PSME4: variants seen among roughly 807,000 people sequenced by gnomAD.
PSME4 encodes proteasome activator subunit 4.
In PSME4, 89 loss-of-function variants were observed where a neutral mutation model predicts 253.9. The observed-to-expected ratio is 0.35, with a 90% CI of 0.30 to 0.42. The LOEUF (loss-of-function observed/expected upper bound fraction) is 0.42, where lower values mean the gene tolerates loss of function less well. PSME4 is among the 10% of genes least tolerant of loss of function. The pLI, the probability that PSME4 is intolerant of heterozygous loss-of-function variation, is 1.00. For missense variants in PSME4, 2,014 were observed against 2,195.2 expected (o/e 0.92, Z 1.65); for synonymous variants, 851 against 759.2 (o/e 1.12, Z -1.99).
intron 39 of PSME4, 86 bp downstream of exon 39, chr2:53,887,772 A>C: frequency 2.1e-6 from 3 of 1,411,140 alleles, no homozygotes; most frequent in Non-Finnish European, 2.9e-6. Context: ...CTGACAACAT[A>C]ACCAGCATGT....
chr2:53,869,313 T>C lies in PSME4; in HGVS notation c.5263+63A>G, dbSNP rs1471676820. Reference sequence around the variant, plus strand: ...ATACAAGTTATTCAATAAATATGAGTAAGCCTGGTTAACCCTCATTAATTC... The same window carrying C: ...ATACAAGTTATTCAATAAATATGAGCAAGCCTGGTTAACCCTCATTAATTC... On this transcript the variant is annotated intron_variant, in intron 44 of 46. Coordinates refer to ENST00000404125, the MANE Select transcript of PSME4 (RefSeq NM_014614.3). The C allele has an allele frequency of 5.7e-6, 8 of 1,411,258 alleles. No individual in the cohort carries two copies. In the Admixed American group the frequency reaches 1.3e-4, roughly 23 times the overall value. The allele number at this position is 1,411,258 out of a possible 1,614,324, so 87.4% of individuals were successfully genotyped here.
chr2:53,937,592 C>T (rs781417443), intron 4 of PSME4, 52 bp from the exon 5 acceptor site: 4 of 1,543,380 alleles, frequency 2.6e-6, no homozygotes, highest in Non-Finnish European at 2.7e-6. Flanking sequence ...AAAAGCTCTA[C>T]AACAGCAATA....
chr2:53,893,211 A>C (rs1174896596), intron 35 of PSME4, among the ~76,000 whole-genome samples: 1 of 147,386 alleles, frequency 6.8e-6, no homozygotes, highest in Non-Finnish European at 1.5e-5. Flanking sequence ...AAGCAACTAA[A>C]CATAAAAAAC....
chr2:53,966,798 C>A (rs1200729073), intron 1 of PSME4, among the ~76,000 whole-genome samples: 2 of 152,114 alleles, frequency 1.3e-5, no homozygotes, highest in African/African-American at 4.8e-5. Context: ...CTCCCAGATT[C>A]AAGCGATTCT....
At chr2:53,967,649 C>CACA (rs1670805208) in intron 1 of PSME4, among the ~76,000 whole-genome samples, 1 of 21,566 alleles carries the variant, frequency 4.6e-5, no homozygotes, top group Non-Finnish European at 8.1e-5. Context: ...GAGATTGTCT[C>CACA]AAAAAAAAAA....
chr2:53,932,393 G>C (rs1668872785), intron 9 of PSME4, among the ~76,000 whole-genome samples: 1 of 152,048 alleles, frequency 6.6e-6, no homozygotes, highest in African/African-American at 2.4e-5. Context: ...ACAGATGACA[G>C]GATAAAACTG....
chr2:53,936,058 A>G (rs771644579), intron 7 of PSME4, 29 bp downstream of exon 7: 9 of 1,606,246 alleles, frequency 5.6e-6, no homozygotes, highest in Non-Finnish European at 7.7e-6. Flanking sequence ...CCCATGCCTG[A>G]TAATTTTTTT....
intron 3 of PSME4, among the ~76,000 whole-genome samples, chr2:53,943,311 G>A (rs1669541632): frequency 6.6e-6 from 1 of 152,142 alleles, no homozygotes; most frequent in South Asian, 2.1e-4. Flanking sequence ...ATAATTTAAT[G>A]GTAACTGTTT....
Position 53,895,082 on chromosome 2 carries a change from T to A in PSME4, c.3843-6A>T. ...CAGCATAAACAACCATATTCCTATA[T>A]AGTAAGAGTTCATATTTATCATACG... On this transcript the variant is annotated splice_polypyrimidine_tract_variant and splice_region_variant and intron_variant, in intron 33 of 46. Coordinates refer to ENST00000404125, the MANE Select transcript of PSME4 (RefSeq NM_014614.3). 6.3e-7 allele frequency: 1 copy of A among 1,598,842 alleles called. No individual in the cohort carries two copies. Among genetic ancestry groups the A allele is most frequent in the African/African-American group, 1.4e-5 (1 of 73,988 alleles).
At position 53,908,427 on chromosome 2, in the gene PSME4, A is replaced by C; in HGVS notation, c.2686-9T>G. On this transcript the variant is annotated splice_polypyrimidine_tract_variant and intron_variant, in intron 23 of 46. Transcript: ENST00000404125. ...AAAAGGTCTCCAATAATCTGTGTCA[A>C]AGAATTTCAAATTGTATTTGCAAGT... is the stretch of plus-strand genomic sequence containing the variant. 6.2e-7 allele frequency: 1 copy of C among 1,612,782 alleles called. No homozygotes were observed. Among genetic ancestry groups the C allele is most frequent in the Non-Finnish European group, 8.5e-7 (1 of 1,179,370 alleles).
In PSME4 at chr2:53,871,539, C is replaced by G. The variant is rs531594058; in HGVS notation, c.5101-2001G>C. Among the ~76,000 whole-genome samples, 10 of 152,230 alleles carry G rather than the reference C, an allele frequency of 6.6e-5. No homozygotes were observed. In the East Asian group the frequency reaches 9.7e-4, roughly 15 times the overall value. On this transcript the variant is annotated intron_variant, in intron 43 of 46. Transcript: ENST00000404125. ...AAAGTGCTGGGATTACAGGCATGAG[C>G]CACCACGCCCGGCTATCTGCATACA...
At chr2:53,878,706 C>T (rs1042117188) in intron 41 of PSME4, among the ~76,000 whole-genome samples, 1 of 152,226 alleles carries the variant, frequency 6.6e-6, no homozygotes, top group Non-Finnish European at 1.5e-5. Flanking sequence ...TGCTCCCAGG[C>T]TTATTAGGAT....
intron 1 of PSME4, among the ~76,000 whole-genome samples, chr2:53,960,745 G>T (rs1670455673): frequency 6.6e-6 from 1 of 152,190 alleles, no homozygotes; most frequent in African/African-American, 2.4e-5. Context: ...CGGTTCTTCA[G>T]TGGGGCTCTG....
intron 27 of PSME4, 35 bp downstream of exon 27, chr2:53,903,990 A>C (rs969902482): frequency 7.8e-6 from 12 of 1,543,086 alleles, no homozygotes; most frequent in Non-Finnish European, 1.1e-5. Context: ...TATGTTTGAA[A>C]ATGTTTACAG....
At position 53,970,807 on chromosome 2, in the gene PSME4, C is replaced by T. The variant is rs1473854449; in HGVS notation, c.-23G>A. 3 of 1,486,516 alleles carry T rather than the reference C, an allele frequency of 2.0e-6. No individual in the cohort carries two copies. The highest frequency in any genetic ancestry group is 2.8e-5 in the African/African-American group (2 of 70,286). The allele number at this position is 1,486,516 out of a possible 1,614,324, so 92.1% of individuals were successfully genotyped here. ...CATGAGCCCAGGGACACCCCCCCCA[C>T]CCCCTCCCACCCGAACCCTCCCCGG... is the stretch of plus-strand genomic sequence containing the variant. On this transcript the variant is annotated 5_prime_UTR_variant, in exon 1 of 47. The change creates a new upstream start codon in the 5' untranslated region. Coordinates refer to ENST00000404125, the MANE Select transcript of PSME4 (RefSeq NM_014614.3).
At chr2:53,917,870 C>T (rs991161149) in intron 20 of PSME4, among the ~76,000 whole-genome samples, 3 of 152,120 alleles carry the variant, frequency 2.0e-5, no homozygotes, top group Non-Finnish European at 4.4e-5. Flanking sequence ...TACAACTGCG[C>T]TTATATCAAA....
In PSME4 at chr2:53,970,683, G is replaced by A; in HGVS notation, c.102C>T (p.Tyr34=). 1 of 1,550,056 alleles carries A rather than the reference G, an allele frequency of 6.5e-7. No homozygotes were observed. Among genetic ancestry groups the A allele is most frequent in the Non-Finnish European group, 8.7e-7 (1 of 1,146,848 alleles). The part of the protein sequence containing the change: ...RGFVPQKEIV[Y]NKLLPYAERL... ...GCTCCGCGTAGGGCAGCAGCTTGTT[G>A]TAGACGATCTCCTTCTGCGGGACGA... Residue 34 remains tyrosine (Y), a synonymous_variant, in exon 1 of 47, where the codon TAC becomes TAT. Coordinates refer to ENST00000404125, the MANE Select transcript of PSME4 (RefSeq NM_014614.3).
intron 5 of PSME4, among the ~76,000 whole-genome samples, 158 bp downstream of exon 5, chr2:53,937,233 A>G (rs901462949): frequency 6.6e-5 from 10 of 152,058 alleles, no homozygotes; most frequent in African/African-American, 2.4e-4. Context: ...CAATCTTACA[A>G]CCGTTTTAGC....
chr2:53,949,418 T>C (rs191260938), intron 1 of PSME4, 135 bp from the exon 2 acceptor site: 52 of 492,438 alleles, frequency 1.1e-4, no homozygotes, highest in African/African-American at 7.9e-4. Flanking sequence ...ATAAGGAAAA[T>C]GTGGCATATA....
Sources: allele counts gnomAD v4.1 joint callset (sites outside exome capture counted in the v4.1 genomes callset), GRCh38; gene constraint gnomAD v4.1.1; transcripts MANE v1.5; gene names NCBI Gene and HGNC (gene_info 2026-07-23, HGNC 2026-07-21).